Variants in GALNT7 observed in about 807,000 individuals in gnomAD.
The protein encoded by GALNT7 is N-acetylgalactosaminyltransferase 7.
GALNT7 carries 60 observed loss-of-function variants against 82.1 expected under a neutral mutation model. The observed-to-expected ratio is 0.73, with a 90% confidence interval of 0.59 to 0.91. GALNT7 has a LOEUF of 0.91. Among genes scored for constraint, GALNT7 ranks in the 40% least tolerant of loss-of-function variants. GALNT7 has a pLI of 0.00. For missense variants in GALNT7, 660 were observed against 804.2 expected (o/e 0.82, Z 2.17); for synonymous variants, 243 against 275.1 (o/e 0.88, Z 1.15).
chr4:173,271,035 C>G (rs1735703369), intron 2 of GALNT7, among the ~76,000 whole-genome samples: 1 of 152,194 alleles, frequency 6.6e-6, no homozygotes, highest in Non-Finnish European at 1.5e-5. Context: ...TTTCAATTAA[C>G]CTATTGAATC....
rs369734923 is a variant in GALNT7, at chr4:173,260,054, GTA to G, written c.587+11617_587+11618del. On this transcript the variant is annotated intron_variant, in intron 2 of 11. Transcript: ENST00000265000. ...ATTAACCTTCAAAGACAATTTTACA[GTA>G]TACTTATCAGGACTATTATAAGAAA... Among the ~76,000 whole-genome samples, 123 of 152,310 alleles carry G rather than the reference GTA, an allele frequency of 8.1e-4. 2 individuals carry two copies. The East Asian group carries it at 0.019, about 23-fold the overall frequency.
chr4:173,215,233 T>C (rs907367066), intron 1 of GALNT7, among the ~76,000 whole-genome samples: 4 of 76,434 alleles, frequency 5.2e-5, no homozygotes, highest in African/African-American at 1.4e-4. Context: ...CTTCTTCTTC[T>C]TTTTTTTTTT....
chr4:173,267,261 C>T (rs1411688821), intron 2 of GALNT7, among the ~76,000 whole-genome samples: 1 of 152,006 alleles, frequency 6.6e-6, no homozygotes, highest in Admixed American at 6.6e-5. Context: ...AGTAGAGGAT[C>T]AGTGTTGAGG....
chr4:173,212,430 A>G (rs1733309794), intron 1 of GALNT7, among the ~76,000 whole-genome samples: 1 of 152,228 alleles, frequency 6.6e-6, no homozygotes, highest in African/African-American at 2.4e-5. Context: ...AAACGTTTAA[A>G]CAGGTTATTT....
intron 2 of GALNT7, among the ~76,000 whole-genome samples, chr4:173,278,789 G>T (rs1301388190): frequency 1.3e-5 from 2 of 152,186 alleles, no homozygotes; most frequent in Non-Finnish European, 2.9e-5. Flanking sequence ...ATATTGTCCA[G>T]TCCACATCTG....
At chr4:173,188,270 C>G (rs1449317676) in intron 1 of GALNT7, among the ~76,000 whole-genome samples, 2 of 152,180 alleles carry the variant, frequency 1.3e-5, no homozygotes, top group African/African-American at 2.4e-5. Flanking sequence ...TAGGTAACAA[C>G]TAGAGTTCAA....
At chr4:173,231,286 GC>G (rs1220388732) in intron 1 of GALNT7, among the ~76,000 whole-genome samples, 1 of 152,162 alleles carries the variant, frequency 6.6e-6, no homozygotes, top group Non-Finnish European at 1.5e-5. Flanking sequence ...GCCAAAGATA[GC>G]CTTATAACAT....
chr4:173,267,851 C>T (rs932274042), intron 2 of GALNT7, among the ~76,000 whole-genome samples: 3 of 152,126 alleles, frequency 2.0e-5, no homozygotes, highest in African/African-American at 4.8e-5. Flanking sequence ...TGAGCTCCAC[C>T]GGTTGGAGGT....
intron 1 of GALNT7, among the ~76,000 whole-genome samples, chr4:173,235,561 T>C (rs554321010): frequency 1.3e-5 from 2 of 149,474 alleles, no homozygotes; most frequent in African/African-American, 5.0e-5. Context: ...CTTTTCTTTT[T>C]TTTTTTTTTC....
At chr4:173,266,056 G>A (rs1158501099) in intron 2 of GALNT7, among the ~76,000 whole-genome samples, 3 of 152,094 alleles carry the variant, frequency 2.0e-5, no homozygotes, top group Non-Finnish European at 2.9e-5. Context: ...CCAGGATTTC[G>A]AGACCAGCCT....
At chr4:173,265,888 G>A (rs566813505) in intron 2 of GALNT7, among the ~76,000 whole-genome samples, 1 of 152,216 alleles carries the variant, frequency 6.6e-6, no homozygotes, top group East Asian at 1.9e-4. Flanking sequence ...CACTTTGGGA[G>A]TCACATGGTA....
intron 1 of GALNT7, among the ~76,000 whole-genome samples, chr4:173,201,575 C>G (rs535515241): frequency 2.6e-4 from 39 of 152,268 alleles, no homozygotes; most frequent in African/African-American, 8.9e-4. Flanking sequence ...TGGGCCAAAC[C>G]AGTAAGTCAT....
At chr4:173,247,956 G>A (rs1420584734) in intron 1 of GALNT7, 24 bp from the exon 2 acceptor site, 1 of 1,518,870 alleles carries the variant, frequency 6.6e-7, no homozygotes, top group Non-Finnish European at 9.1e-7. Flanking sequence ...TGTACTCATT[G>A]TATATCCCCT....
At chr4:173,242,234 A>G (rs978945235) in intron 1 of GALNT7, among the ~76,000 whole-genome samples, 5 of 152,214 alleles carry the variant, frequency 3.3e-5, no homozygotes, top group African/African-American at 4.8e-5. Context: ...AAGAATAGCA[A>G]TTCCTCTAAG....
intron 8 of GALNT7, among the ~76,000 whole-genome samples, chr4:173,312,176 C>T (rs1311771864): frequency 6.6e-6 from 1 of 152,170 alleles, no homozygotes; most frequent in African/African-American, 2.4e-5. Flanking sequence ...GCATGATGTA[C>T]AAGATTAAGG....
intron 1 of GALNT7, among the ~76,000 whole-genome samples, chr4:173,209,293 T>C (rs1261292038): frequency 6.6e-6 from 1 of 152,256 alleles, no homozygotes; most frequent in Admixed American, 6.5e-5. Context: ...TACTGTAGTA[T>C]ACACGTTTGA....
At chr4:173,261,349 G>T (rs558063719) in intron 2 of GALNT7, among the ~76,000 whole-genome samples, 5 of 151,938 alleles carry the variant, frequency 3.3e-5, no homozygotes, top group African/African-American at 1.2e-4. Flanking sequence ...CAAGGGAAGG[G>T]TGTGCAAACT....
intron 8 of GALNT7, among the ~76,000 whole-genome samples, chr4:173,308,181 G>A (rs1465641666): frequency 6.6e-6 from 1 of 152,082 alleles, no homozygotes; most frequent in African/African-American, 2.4e-5. Flanking sequence ...GCTCTCTCTG[G>A]GCTATTTGGG....
rs1284225195 is a variant in GALNT7, at chr4:173,234,274, T to A, written c.127-13706T>A. On this transcript the variant is annotated intron_variant, in intron 1 of 11. Coordinates refer to ENST00000265000, the MANE Select transcript of GALNT7 (RefSeq NM_017423.3). The stretch of plus-strand genomic sequence containing the variant: ...ATCCTCTCCTTTTCTCACTTTATAA[T>A]CTCTCCATCACTCGTCTTATTGGCT... 2.6e-5 allele frequency among the ~76,000 whole-genome samples: 4 copies of A among 152,200 alleles called. No homozygotes were observed. The East Asian group carries it at 7.7e-4, about 29-fold the overall frequency.
Sources: gnomAD v4.1 joint callset for allele counts (sites outside exome capture counted in the v4.1 genomes callset) on GRCh38, gnomAD v4.1.1 for gene constraint, MANE v1.5 for transcripts, NCBI Gene and HGNC (gene_info 2026-07-23, HGNC 2026-07-21) for gene names.